Variants in DIS3L2 observed in about 807,000 individuals in gnomAD.
DIS3L2 encodes the protein DIS3-like exonuclease 2.
Under a neutral mutation model 97.5 loss-of-function variants are expected in DIS3L2, and 34 were observed. That is an observed-to-expected ratio of 0.35 (90% confidence interval 0.27 to 0.46). The LOEUF (loss-of-function observed/expected upper bound fraction) is 0.46. DIS3L2 is among the 20% of genes least tolerant of loss of function. DIS3L2 has a pLI of 1.00. For missense variants in DIS3L2, 1,038 were observed against 1,146.0 expected (o/e 0.91, Z 1.36); for synonymous variants, 435 against 445.2 (o/e 0.98, Z 0.29).
At chr2:232,080,954 A>T in intron 5 of DIS3L2, among the ~76,000 whole-genome samples, 1 of 152,108 alleles carries the variant, frequency 6.6e-6, no homozygotes, top group East Asian at 1.9e-4. Context: ...ATTAAAATAA[A>T]ACCTACAAAA....
At chr2:232,061,223 G>A (rs1425823466) in intron 5 of DIS3L2, among the ~76,000 whole-genome samples, 1 of 152,226 alleles carries the variant, frequency 6.6e-6, no homozygotes, top group East Asian at 1.9e-4. Flanking sequence ...TTTGAAAGCA[G>A]CATTTGGGGC....
chr2:232,058,969 T>C (rs1448705366), intron 5 of DIS3L2, among the ~76,000 whole-genome samples: 1 of 152,236 alleles, frequency 6.6e-6, no homozygotes, highest in Non-Finnish European at 1.5e-5. Flanking sequence ...GACTTATTTT[T>C]TTTCTTTTTT....
chr2:231,966,169 TTC>T (rs1491389214), intron 1 of DIS3L2, among the ~76,000 whole-genome samples: 190 of 126,238 alleles, frequency 1.5e-3, no homozygotes, highest in African/African-American at 7.9e-3. Flanking sequence ...CTTCTTCTTC[TTC>T]TTTTTTTTTT....
intron 8 of DIS3L2, among the ~76,000 whole-genome samples, chr2:232,161,360 A>G (rs1451411636): frequency 6.6e-6 from 1 of 152,174 alleles, no homozygotes; most frequent in Non-Finnish European, 1.5e-5. Flanking sequence ...CGATGTGAGC[A>G]TTTAATGCTG....
intron 5 of DIS3L2, among the ~76,000 whole-genome samples, chr2:232,082,622 C>G (rs936632098): frequency 6.6e-6 from 1 of 152,202 alleles, no homozygotes; most frequent in Non-Finnish European, 1.5e-5. Flanking sequence ...AAACCAGTCC[C>G]TGGCACTGAA....
In DIS3L2 at chr2:232,335,793, C is replaced by T. The variant is rs62191214; in HGVS notation, c.2415C>T (p.His805=). The part of the protein sequence containing the change: ...IYCNALALRS[H]HFQKVGKKPE... ...TCCAGGCACTGGCCCTGCGGTCCCACCACTTCCAGAAGGTGGGCAAGAAGC... is the reference window on the plus strand; with the variant it reads ...TCCAGGCACTGGCCCTGCGGTCCCATCACTTCCAGAAGGTGGGCAAGAAGC... Residue 805 remains histidine, a synonymous_variant, in exon 20 of 21, where the codon CAC becomes CAT. Coordinates refer to ENST00000325385, the MANE Select transcript of DIS3L2 (RefSeq NM_152383.5). The T allele has an allele frequency of 1.3e-6, 2 of 1,550,612 alleles. No individual in the cohort carries two copies.
rs990604399 is a variant in DIS3L2, at chr2:232,019,115, T to C, written c.210+3444T>C. On this transcript the variant is annotated intron_variant, in intron 3 of 20. Coordinates refer to ENST00000325385, the MANE Select transcript of DIS3L2 (RefSeq NM_152383.5). ...GGCTAAAGGAAGTTCAGGCTAAGCC[T>C]CCAGAGCTGTCTTAGTCATGATGTC... Among the ~76,000 whole-genome samples the C allele has an allele frequency of 6.0e-4, 91 of 152,180 alleles. 1 individual carries two copies. The highest frequency in any genetic ancestry group is 2.1e-3 in the African/African-American group (89 of 41,424).
At chr2:232,332,931 G>A (rs1391127869) in intron 16 of DIS3L2, among the ~76,000 whole-genome samples, 5 of 152,086 alleles carry the variant, frequency 3.3e-5, no homozygotes, top group Non-Finnish European at 7.4e-5. Flanking sequence ...GCACAGGGCA[G>A]GGGATCGCAT....
At position 232,221,750 on chromosome 2, in the gene DIS3L2, G is replaced by A. The variant is rs555757166; in HGVS notation, c.1204+11345G>A. Among the ~76,000 whole-genome samples, 85 of 152,114 alleles carry A rather than the reference G, an allele frequency of 5.6e-4. 1 individual carries two copies. Among genetic ancestry groups the A allele is most frequent in the Non-Finnish European group, 8.7e-4 (59 of 67,974 alleles). On this transcript the variant is annotated intron_variant, in intron 10 of 20. Transcript: ENST00000325385. ...TGGGAGGTGGAGGTTGCAGTGAGCCGAGATCGCACCAGTGTACTCCAGCCG... is the reference window on the plus strand; with the variant it reads ...TGGGAGGTGGAGGTTGCAGTGAGCCAAGATCGCACCAGTGTACTCCAGCCG...
At chr2:232,145,288 T>G (rs60617247) in intron 8 of DIS3L2, among the ~76,000 whole-genome samples, 1 of 152,204 alleles carries the variant, frequency 6.6e-6, no homozygotes, top group Admixed American at 6.6e-5. Context: ...TTCTGAAGAA[T>G]AGATGTTTGA....
chr2:232,090,902 A>G (rs1030824968), intron 6 of DIS3L2, among the ~76,000 whole-genome samples: 1 of 152,366 alleles, frequency 6.6e-6, no homozygotes, highest in Non-Finnish European at 1.5e-5. Context: ...AAGAGAGCAC[A>G]TTGCTCCCGT....
chr2:232,221,755 C>T (rs1307468942), intron 10 of DIS3L2, among the ~76,000 whole-genome samples: 1 of 151,896 alleles, frequency 6.6e-6, no homozygotes, highest in East Asian at 2.0e-4. Context: ...GAGCCGAGAT[C>T]GCACCAGTGT....
At chr2:232,243,271 G>C (rs1693155956) in intron 11 of DIS3L2, among the ~76,000 whole-genome samples, 1 of 152,118 alleles carries the variant, frequency 6.6e-6, no homozygotes, top group South Asian at 2.1e-4. Flanking sequence ...AACATTCAAG[G>C]AGCAGTATGC....
intron 10 of DIS3L2, among the ~76,000 whole-genome samples, chr2:232,214,998 A>G (rs1418016446): frequency 6.6e-6 from 1 of 152,202 alleles, no homozygotes; most frequent in Non-Finnish European, 1.5e-5. Context: ...AATGGGTTTC[A>G]GTTTCTTTTT....
At chr2:232,321,685 T>G (rs1292704061) in intron 14 of DIS3L2, among the ~76,000 whole-genome samples, 1 of 152,174 alleles carries the variant, frequency 6.6e-6, no homozygotes, top group Admixed American at 6.5e-5. Context: ...GGCCTGAGCC[T>G]GAGGCAACCA....
chr2:232,167,382 A>C (rs959514805), intron 9 of DIS3L2, among the ~76,000 whole-genome samples: 3 of 152,208 alleles, frequency 2.0e-5, no homozygotes, highest in Non-Finnish European at 4.4e-5. Flanking sequence ...TTTATATAGT[A>C]ATTTTACTTT....
intron 20 of DIS3L2, 138 bp downstream of exon 20, chr2:232,336,012 C>T: frequency 6.6e-7 from 1 of 1,521,042 alleles, no homozygotes; most frequent in East Asian, 2.5e-5. Context: ...TTAGGGCCCT[C>T]CCAGCTCACC....
intron 13 of DIS3L2, chr2:232,343,058 C>CA (rs1404766537): frequency 4.9e-5 from 17 of 344,920 alleles, no homozygotes; most frequent in Non-Finnish European, 8.6e-5. Context: ...ACAGCTGCAT[C>CA]ACACTGCTCT....
At chr2:232,143,898 A>T (rs763550505) in intron 8 of DIS3L2, among the ~76,000 whole-genome samples, 2 of 152,120 alleles carry the variant, frequency 1.3e-5, no homozygotes, top group African/African-American at 4.8e-5. Flanking sequence ...ATTTAAAAAA[A>T]AATTTACCCA....
Sources: gnomAD v4.1 joint callset for allele counts (sites outside exome capture counted in the v4.1 genomes callset) on GRCh38, gnomAD v4.1.1 for gene constraint, MANE v1.5 for transcripts, NCBI Gene and HGNC (gene_info 2026-07-23, HGNC 2026-07-21) for gene names.